Variants in GPR160 observed in about 807,000 individuals in gnomAD.
GPR160 encodes the protein probable G protein-coupled receptor 160.
Under a neutral mutation model 2.6 loss-of-function variants are expected in GPR160, and 2 were observed. That is an observed-to-expected ratio of 0.77 (90% CI 0.32 to 2.44). The LOEUF (loss-of-function observed/expected upper bound fraction) is 2.44, where lower values mean the gene tolerates loss of function less well. Ranked by LOEUF, GPR160 falls within the 30% of genes most tolerant of loss-of-function variation. The pLI, the probability that GPR160 is intolerant of heterozygous loss-of-function variation, is 0.11. For missense variants in GPR160, 351 were observed against 383.6 expected, an observed-to-expected ratio of 0.91 and a Z score of 0.71; for synonymous variants, 130 against 132.2, an observed-to-expected ratio of 0.98 and a Z score of 0.12.
chr3:170,041,619 A>G (rs965738911), intron 2 of GPR160, among the ~76,000 whole-genome samples: 1 of 152,236 alleles, frequency 6.6e-6, no homozygotes, highest in Non-Finnish European at 1.5e-5. Context: ...ATGCTGAAGC[A>G]TGTCCTAATT....
intron 2 of GPR160, among the ~76,000 whole-genome samples, chr3:170,054,145 C>G (rs1711524788): frequency 6.6e-6 from 1 of 151,368 alleles, no homozygotes; most frequent in African/African-American, 2.4e-5. Flanking sequence ...GGCTTGAGAG[C>G]CCTGCCTGCC....
Position 170,042,051 on chromosome 3 carries a change from G to T in GPR160, c.-193+3008G>T, listed in dbSNP as rs536755387. Among the ~76,000 whole-genome samples the T allele has an allele frequency of 2.7e-4, 41 of 152,300 alleles. 2 individuals carry two copies. The South Asian group carries it at 7.7e-3, about 28-fold the overall frequency. ...ATGGCTCCCTTGTTGGGCTAGAAAT[G>T]ATAGGAAAGAGTGTTGGCAATCTAG... On this transcript the variant is annotated intron_variant, in intron 2 of 3. Transcript: ENST00000355897.
chr3:170,084,360 C>A lies in GPR160; in HGVS notation c.388C>A (p.Leu130Ile), dbSNP rs1553770404. The A allele has an allele frequency of 6.2e-7, 1 of 1,608,936 alleles. No individual in the cohort carries two copies. Among genetic ancestry groups the A allele is most frequent in the South Asian group, 1.1e-5 (1 of 90,466 alleles). The change falls in exon 4 of 4, where the codon CTT (leucine) becomes ATT (isoleucine). Residue 130 changes from leucine (L) to isoleucine (I), a missense_variant. Coordinates refer to ENST00000355897, the MANE Select transcript of GPR160 (RefSeq NM_014373.3). ...CCTGAATTTCTCTAAAACAACCAAG[C>A]TTTCATTTAAGTGTCAAAAATTATT... ...YCLNFSKTTKLSFKCQKLFYF... is the reference protein window; with the variant it reads ...YCLNFSKTTKISFKCQKLFYF...
At chr3:170,082,349 G>A (rs1347654110) in intron 3 of GPR160, among the ~76,000 whole-genome samples, 1 of 152,100 alleles carries the variant, frequency 6.6e-6, no homozygotes, top group African/African-American at 2.4e-5. Context: ...TGAAAACTAA[G>A]TCTTCCTCCT....
intron 2 of GPR160, chr3:170,057,371 C>T (rs1471035596): frequency 6.6e-6 from 1 of 152,134 alleles, no homozygotes; most frequent in African/African-American, 2.4e-5. Context: ...AAACTTTTCT[C>T]AATACCCTGC....
chr3:170,045,439 A>AAAAAAAAAAAAAAC (rs1716674672), intron 2 of GPR160, among the ~76,000 whole-genome samples: 1 of 133,292 alleles, frequency 7.5e-6, no homozygotes, highest in Non-Finnish European at 1.6e-5. Context: ...AAAAAAAAAA[A>AAAAAAAAAAAAAAC]AAAAAAAACC....
chr3:170,067,664 C>T (rs751421880), intron 2 of GPR160, among the ~76,000 whole-genome samples: 15 of 152,082 alleles, frequency 9.9e-5, no homozygotes, highest in Admixed American at 2.6e-4. Context: ...CCCAAAATAA[C>T]TTCACTTTTA....
intron 2 of GPR160, among the ~76,000 whole-genome samples, chr3:170,079,525 A>C (rs1012556783): frequency 2.6e-5 from 4 of 152,192 alleles, no homozygotes; most frequent in Admixed American, 2.6e-4. Context: ...GAAAACTATA[A>C]AGCAAGATTC....
At chr3:170,069,771 T>C (rs1576907972) in intron 2 of GPR160, among the ~76,000 whole-genome samples, 2 of 152,202 alleles carry the variant, frequency 1.3e-5, no homozygotes, top group East Asian at 3.8e-4. Context: ...ATGTATTATT[T>C]TAAATAGTGA....
intron 2 of GPR160, among the ~76,000 whole-genome samples, chr3:170,064,668 G>A (rs1225441706): frequency 2.0e-5 from 3 of 151,832 alleles, no homozygotes; most frequent in Non-Finnish European, 1.5e-5. Flanking sequence ...ACAGGCACAT[G>A]CCACCGCGCC....
intron 2 of GPR160, among the ~76,000 whole-genome samples, chr3:170,040,583 G>C (rs548988242): frequency 2.0e-5 from 3 of 152,280 alleles, no homozygotes; most frequent in East Asian, 3.9e-4. Flanking sequence ...GATTGCCTCC[G>C]GTCGGGCGGA....
intron 2 of GPR160, among the ~76,000 whole-genome samples, chr3:170,046,782 G>A (rs73028688): frequency 2.6e-5 from 4 of 151,986 alleles, no homozygotes; most frequent in African/African-American, 4.8e-5. Context: ...CATTTGTTTC[G>A]ATTGCCTTTG....
Position 170,084,972 on chromosome 3 carries a change from T to C in GPR160, c.1000T>C (p.Ser334Pro). Residue 334 changes from serine to proline, a missense_variant, in exon 4 of 4, where the codon TCA becomes CCA. Physicochemically the swap from Ser to Pro is moderately conservative, Grantham distance 74 (BLOSUM62 -1). Coordinates refer to ENST00000355897, the MANE Select transcript of GPR160 (RefSeq NM_014373.3). ...TCTTGAGCAAATTGAAAAGCCTATA[T>C]CAATAATGATTTGTTAATATTATTA... Reference protein sequence around the residue: ...PNLEQIEKPISIMIC With the variant: ...PNLEQIEKPIPIMIC 2.0e-6 allele frequency: 3 copies of C among 1,514,846 alleles called. No homozygotes were observed. In the South Asian group the frequency reaches 3.8e-5, roughly 19 times the overall value. The allele number at this position is 1,514,846 out of a possible 1,614,324, so 93.8% of individuals were successfully genotyped here. A position where few individuals can be genotyped will look rare whatever the true frequency, so the allele number is the denominator to read the frequency against.
chr3:170,045,339 T>C lies in GPR160; in HGVS notation c.-193+6296T>C, dbSNP rs1466947406. 6.1e-5 allele frequency among the ~76,000 whole-genome samples: 8 copies of C among 131,026 alleles called. No individual in the cohort carries two copies. In the East Asian group the frequency reaches 2.0e-3, roughly 33 times the overall value. The allele number at this position is 131,026 out of a possible 152,430, so 86.0% of individuals were successfully genotyped here. On this transcript the variant is annotated intron_variant, in intron 2 of 3. Transcript: ENST00000355897. ...CAGCACTTTGGGAGGCCGAGGTGGG[T>C]GGATAGTGAGGTCAGGAAATCGAGA...
intron 2 of GPR160, among the ~76,000 whole-genome samples, chr3:170,071,141 G>A (rs1188082243): frequency 6.6e-6 from 1 of 152,110 alleles, no homozygotes; most frequent in Non-Finnish European, 1.5e-5. Flanking sequence ...TTTTTGTTCG[G>A]CATGTGATAT....
chr3:170,064,514 C>CTTTTCTT (rs1273500686), intron 2 of GPR160, among the ~76,000 whole-genome samples: 904 of 80,940 alleles, frequency 0.011, 14 homozygotes, highest in East Asian at 0.096. Flanking sequence ...CTTTTCTTTT[C>CTTTTCTT]TTTTTTTTTT....
chr3:170,040,262 G>A (rs1716391139), intron 2 of GPR160, among the ~76,000 whole-genome samples: 1 of 152,210 alleles, frequency 6.6e-6, no homozygotes, highest in African/African-American at 2.4e-5. Flanking sequence ...ATTTGTGTGT[G>A]TTTGGCATTT....
intron 3 of GPR160, 64 bp from the exon 4 acceptor site, chr3:170,083,841 G>T: frequency 2.1e-6 from 1 of 472,430 alleles, no homozygotes; most frequent in Admixed American, 3.9e-5. Context: ...TAAGAATAGT[G>T]GTGCTTGCTT....
At position 170,085,114 on chromosome 3, in the gene GPR160, ATG is replaced by A. The variant is rs150512312; in HGVS notation, c.*129_*130del. 2,330 of 487,190 alleles carry A rather than the reference ATG, an allele frequency of 4.8e-3. 49 individuals are homozygous for A. The highest frequency in any genetic ancestry group is 0.042 in the African/African-American group (2,091 of 49,748). The allele number at this position is 487,190 out of a possible 1,614,324, so 30.2% of individuals were successfully genotyped here. On this transcript the variant is annotated 3_prime_UTR_variant, in exon 4 of 4. Coordinates refer to ENST00000355897, the MANE Select transcript of GPR160 (RefSeq NM_014373.3). Reference sequence around the variant, plus strand: ...GCCCCCTGACTGATAGCATTTCAGAATGTGTCTTTTGAAGGGCTATGATACCA... The same window carrying A: ...GCCCCCTGACTGATAGCATTTCAGAATGTCTTTTGAAGGGCTATGATACCA...
Sources: gnomAD v4.1 joint callset for allele counts (sites outside exome capture counted in the v4.1 genomes callset) on GRCh38, gnomAD v4.1.1 for gene constraint, MANE v1.5 for transcripts, NCBI Gene and HGNC (gene_info 2026-07-23, HGNC 2026-07-21) for gene names.